Variants in NRP1 observed in about 807,000 individuals in gnomAD.
NRP1 encodes neuropilin 1.
A neutral mutation model predicts 106.7 loss-of-function variants in NRP1; 35 were observed. That is an observed-to-expected ratio of 0.33 (90% CI 0.25 to 0.43). NRP1 has a LOEUF of 0.43. Ranked by LOEUF, NRP1 falls within the 20% of genes least tolerant of loss-of-function variation. The probability of loss-of-function intolerance (pLI) is 1.00; values close to 1 mark genes in which losing one functional copy is unlikely to be tolerated. For synonymous variants in NRP1, 437 were observed against 417.9 expected, an observed-to-expected ratio of 1.05 and a Z score of -0.56; for missense variants, 1,024 against 1,170.4, an observed-to-expected ratio of 0.87 and a Z score of 1.83.
intron 2 of NRP1, among the ~76,000 whole-genome samples, chr10:33,322,690 A>G (rs1012521360): frequency 2.6e-5 from 4 of 152,220 alleles, no homozygotes; most frequent in Non-Finnish European, 5.9e-5. Context: ...CCAAGTTTCA[A>G]TTGAGTGGAA....
At chr10:33,260,490 C>A (rs1228330563) in intron 4 of NRP1, among the ~76,000 whole-genome samples, 3 of 152,148 alleles carry the variant, frequency 2.0e-5, no homozygotes, top group African/African-American at 7.2e-5. Context: ...GTTCCAGCCC[C>A]TTTTGCCAGC....
intron 2 of NRP1, among the ~76,000 whole-genome samples, chr10:33,302,963 C>CT (rs1351721285): frequency 6.6e-6 from 1 of 152,142 alleles, no homozygotes; most frequent in Non-Finnish European, 1.5e-5. Flanking sequence ...TTAGGGTCAA[C>CT]TTTAGAGTCA....
chr10:33,321,943 T>C lies in NRP1; in HGVS notation c.248+8765A>G, dbSNP rs1847539817. On this transcript the variant is annotated intron_variant, in intron 2 of 16. Transcript: ENST00000374867. ...TCCACCCAGATAAAACGAAATACAC[T>C]GGAGCATCTGTTTCTTCTCAGAAAA... is the stretch of plus-strand genomic sequence containing the variant. Among the ~76,000 whole-genome samples, 4 of 152,312 alleles carry C rather than the reference T, an allele frequency of 2.6e-5. No homozygotes were observed. The South Asian group carries it at 8.3e-4, about 32-fold the overall frequency.
Position 33,284,645 on chromosome 10 carries a change from C to T in NRP1, c.249-13789G>A, listed in dbSNP as rs547647424. ...ATCACTTTCTAATCTATTGTGTTTA[C>T]TCCCTTTTTCTTATTAGTCTTATAA... On this transcript the variant is annotated intron_variant, in intron 2 of 16. Transcript: ENST00000374867. Among the ~76,000 whole-genome samples the T allele has an allele frequency of 1.3e-4, 20 of 152,096 alleles. No homozygotes were observed. The East Asian group carries it at 3.9e-3, about 29-fold the overall frequency.
chr10:33,308,145 T>C (rs2132757224), intron 2 of NRP1, among the ~76,000 whole-genome samples: 1 of 152,234 alleles, frequency 6.6e-6, no homozygotes, highest in South Asian at 2.1e-4. Flanking sequence ...TGTTCTCATT[T>C]ATAAGTGGGA....
intron 2 of NRP1, among the ~76,000 whole-genome samples, chr10:33,290,271 G>C (rs1844899584): frequency 6.6e-6 from 1 of 151,082 alleles, no homozygotes; most frequent in South Asian, 2.1e-4. Flanking sequence ...TTCCAAATCT[G>C]TGCTAGTTTA....
chr10:33,188,661 G>A (rs1161350131), intron 13 of NRP1, among the ~76,000 whole-genome samples: 1 of 151,858 alleles, frequency 6.6e-6, no homozygotes, highest in African/African-American at 2.4e-5. Flanking sequence ...TGAATCACCT[G>A]AGGTCAGGAG....
In NRP1 at chr10:33,221,893, A is replaced by C. The variant is rs755470977; in HGVS notation, c.1138-30T>G. On this transcript the variant is annotated intron_variant, in intron 7 of 16. Transcript: ENST00000374867. ...ATGGGGAAAAAAAGTGCCTTTCTTT[A>C]GCAGAGGTTTTGGATTTAAATCCAT... The C allele has an allele frequency of 2.5e-6, 4 of 1,579,886 alleles. No homozygotes were observed. In the Admixed American group the frequency reaches 6.7e-5, roughly 27 times the overall value.
chr10:33,281,872 TC>T (rs1012574136), intron 2 of NRP1, among the ~76,000 whole-genome samples: 16 of 152,164 alleles, frequency 1.1e-4, no homozygotes, highest in Admixed American at 9.8e-4. Flanking sequence ...AGCTTTGTTT[TC>T]CACAGTGTAT....
chr10:33,214,638 A>G (rs1838608167), intron 8 of NRP1, among the ~76,000 whole-genome samples: 1 of 152,126 alleles, frequency 6.6e-6, no homozygotes, highest in African/African-American at 2.4e-5. Context: ...TTTTCAGAAA[A>G]TGTTGTTTTA....
chr10:33,180,231 C>T lies in NRP1; in HGVS notation c.2617G>A (p.Ala873Thr), dbSNP rs1310915221. Reference protein sequence around the residue: ...AMSALGVLLGAVCGVVLYCAC... With the variant: ...AMSALGVLLGTVCGVVLYCAC... ...CAGTACAGCACGACCCCACAGACAG[C>T]CCCCAGGAGGACCCCCAGGGCACTC... The change falls in exon 17 of 17, where the codon GCT (alanine) becomes ACT (threonine). Residue 873 changes from alanine to threonine, a missense_variant. This residue lies in a region of NRP1 where 164 missense variants were observed against 161.4 expected (regional missense o/e 1.02). Transcript: ENST00000374867. 2 of 1,614,118 alleles carry T rather than the reference C, an allele frequency of 1.2e-6. No homozygotes were observed. Among genetic ancestry groups the T allele is most frequent in the Non-Finnish European group, 1.7e-6 (2 of 1,180,026 alleles).
In NRP1 at chr10:33,250,966, C is replaced by T. The variant is rs952365339; in HGVS notation, c.981+3062G>A. 5.3e-4 allele frequency among the ~76,000 whole-genome samples: 81 copies of T among 152,090 alleles called. 3 individuals are homozygous for T. The highest frequency in any genetic ancestry group is 5.2e-3 in the Admixed American group (80 of 15,252). On this transcript the variant is annotated intron_variant, in intron 6 of 16. Coordinates refer to ENST00000374867, the MANE Select transcript of NRP1 (RefSeq NM_003873.7). Reference sequence around the variant, plus strand: ...GCAGTGAAGGTGGGTGGAAGTTATCCAGCAGGGAGACCCAAGAACCATCAT... The same window carrying T: ...GCAGTGAAGGTGGGTGGAAGTTATCTAGCAGGGAGACCCAAGAACCATCAT...
intron 7 of NRP1, 141 bp downstream of exon 7, chr10:33,225,993 T>A: frequency 1.1e-6 from 1 of 920,372 alleles, no homozygotes; most frequent in Non-Finnish European, 1.6e-6. Flanking sequence ...CTTGGTTAGA[T>A]TTAAACCTCT....
At chr10:33,257,844 T>C (rs1302401986) in intron 4 of NRP1, among the ~76,000 whole-genome samples, 13 of 152,098 alleles carry the variant, frequency 8.5e-5, no homozygotes, top group Non-Finnish European at 1.5e-5. Flanking sequence ...GTTTTTTCAT[T>C]GCACATATGG....
chr10:33,298,467 C>T (rs899081072), intron 2 of NRP1, among the ~76,000 whole-genome samples: 2 of 152,270 alleles, frequency 1.3e-5, no homozygotes, highest in Middle Eastern at 3.4e-3. Context: ...ATATAGAGTG[C>T]CTGAATTCCC....
chr10:33,225,852 G>A (rs951329102), intron 7 of NRP1, among the ~76,000 whole-genome samples: 1 of 152,192 alleles, frequency 6.6e-6, no homozygotes, highest in East Asian at 1.9e-4. Context: ...TTTATCCCAC[G>A]CAGAATCTGT....
intron 7 of NRP1, among the ~76,000 whole-genome samples, chr10:33,224,910 T>C (rs1839545283): frequency 6.6e-6 from 1 of 152,230 alleles, no homozygotes; most frequent in South Asian, 2.1e-4. Context: ...CTGGGTTCTT[T>C]GGCTGGTAGG....
intron 13 of NRP1, among the ~76,000 whole-genome samples, chr10:33,188,005 T>C (rs1203898840): frequency 6.6e-6 from 1 of 152,180 alleles, no homozygotes; most frequent in African/African-American, 2.4e-5. Context: ...GCAGGATGAA[T>C]GTCCCTCTCG....
rs1433057157 is a variant in NRP1, at chr10:33,180,134, T to C, written c.2714A>G (p.Asp905Gly). ...TTTGTCTTTTTTCAACTTCACACCA[T>C]CCACAAGTTCAAAGTTATAGTTCTC... ...ALENYNFELV[D>G]GVKLKKDKLN... The change falls in exon 17 of 17, where the codon GAT (aspartate) becomes GGT (glycine). Residue 905 changes from aspartate to glycine, a missense_variant. Asp to Gly is a moderately conservative substitution (Grantham distance 94, BLOSUM62 -1). This residue lies in a region of NRP1 where 164 missense variants were observed against 161.4 expected (regional missense o/e 1.02). Coordinates refer to ENST00000374867, the MANE Select transcript of NRP1 (RefSeq NM_003873.7). 6.2e-7 allele frequency: 1 copy of C among 1,614,032 alleles called. No homozygotes were observed. The highest frequency in any genetic ancestry group is 1.3e-5 in the African/African-American group (1 of 74,904).
Sources: gnomAD v4.1 joint callset for allele counts (sites outside exome capture counted in the v4.1 genomes callset) on GRCh38, gnomAD v4.1.1 for gene constraint, gnomAD v4.1.1 regional missense constraint, MANE v1.5 for transcripts, NCBI Gene and HGNC (gene_info 2026-07-23, HGNC 2026-07-21) for gene names.